ABCA1: variants seen among roughly 807,000 people sequenced by gnomAD.
The protein encoded by ABCA1 is ATP binding cassette subfamily A member 1.
Under a neutral mutation model 262.5 loss-of-function variants are expected in ABCA1, and 133 were observed. The observed-to-expected ratio is 0.51, with a 90% confidence interval of 0.44 to 0.59. The LOEUF (loss-of-function observed/expected upper bound fraction) is 0.59, where lower values mean the gene tolerates loss of function less well. Among genes scored for constraint, ABCA1 ranks in the 20% least tolerant of loss-of-function variants. The pLI is 0.00. For synonymous variants in ABCA1, 1,022 were observed against 1,043.5 expected, an observed-to-expected ratio of 0.98 and a Z score of 0.40; for missense variants, 2,452 against 2,777.5, an observed-to-expected ratio of 0.88 and a Z score of 2.63.
At position 104,862,103 on chromosome 9, in the gene ABCA1, CT is replaced by C. The variant is rs553286875; in HGVS notation, c.422-304del. Among the ~76,000 whole-genome samples the C allele has an allele frequency of 5.7e-3, 811 of 142,992 alleles. 5 individuals are homozygous for C. The highest frequency in any genetic ancestry group is 0.014 in the African/African-American group (557 of 39,220). 93.8% of individuals were successfully genotyped at this position (142,992 alleles called of 152,430 possible). Reference sequence around the variant, plus strand: ...ACACACACACACAGCCTTTCCTTTTCTTTTTTTTTTTTTATTTTGAGACGGA... The same window carrying C: ...ACACACACACACAGCCTTTCCTTTTCTTTTTTTTTTTTATTTTGAGACGGA... On this transcript the variant is annotated intron_variant, in intron 5 of 49. Coordinates refer to ENST00000374736, the MANE Select transcript of ABCA1 (RefSeq NM_005502.4).
At chr9:104,847,466 C>T (rs1588392888) in intron 7 of ABCA1, among the ~76,000 whole-genome samples, 1 of 152,222 alleles carries the variant, frequency 6.6e-6, no homozygotes, top group Non-Finnish European at 1.5e-5. Context: ...TCAACAATGT[C>T]ATCCCCTGCC....
chr9:104,818,617 G>A (rs1441156090), intron 23 of ABCA1, 46 bp downstream of exon 23: 4 of 1,578,136 alleles, frequency 2.5e-6, no homozygotes, highest in Admixed American at 1.7e-5. Context: ...AGCAAGTCCT[G>A]GCTGCCCAGA....
intron 33 of ABCA1, among the ~76,000 whole-genome samples, 153 bp downstream of exon 33, chr9:104,803,131 T>C (rs1334709467): frequency 6.6e-6 from 1 of 152,158 alleles, no homozygotes; most frequent in Non-Finnish European, 1.5e-5. Flanking sequence ...CCCTGTGTGC[T>C]CCACATGTTC....
At chr9:104,907,315 C>T (rs1841216699) in intron 1 of ABCA1, among the ~76,000 whole-genome samples, 1 of 152,156 alleles carries the variant, frequency 6.6e-6, no homozygotes, top group African/African-American at 2.4e-5. Flanking sequence ...GATATCCTCC[C>T]CTGCAACTGA....
chr9:104,913,849 G>A (rs1841651744), intron 1 of ABCA1, among the ~76,000 whole-genome samples: 1 of 152,156 alleles, frequency 6.6e-6, no homozygotes, highest in Non-Finnish European at 1.5e-5. Context: ...AGGCTGGAGT[G>A]CAGTGGCGCG....
rs781713359 is a variant in ABCA1, at chr9:104,796,427, A to G, written c.5122-3T>C. ...GTGGCAGGGACAACGTAATTGCACT[A>G]AAAGTGAAAACAAAGACATCCAGTT... On this transcript the variant is annotated splice_polypyrimidine_tract_variant and splice_region_variant and intron_variant, in intron 37 of 49. Coordinates refer to ENST00000374736, the MANE Select transcript of ABCA1 (RefSeq NM_005502.4). 7 of 1,611,772 alleles carry G rather than the reference A, an allele frequency of 4.3e-6. No homozygotes were observed. In the South Asian group the frequency reaches 5.5e-5, roughly 13 times the overall value.
intron 5 of ABCA1, among the ~76,000 whole-genome samples, chr9:104,862,656 G>GCCCCCCC (rs1564198338): frequency 5.2e-4 from 1 of 1,940 alleles, no homozygotes; most frequent in Non-Finnish European, 1.4e-3. Flanking sequence ...GGCCGGGCCG[G>GCCCCCCC]GCCGGGCCGG....
Position 104,884,442 on chromosome 9 carries a change from T to C in ABCA1, c.287A>G (p.Asn96Ser). The change falls in exon 4 of 50, where the codon AAC becomes AGC. Residue 96 changes from asparagine (N) to serine (S), a missense_variant. By Grantham distance (46) the Asn-to-Ser change is conservative. Coordinates refer to ENST00000374736, the MANE Select transcript of ABCA1 (RefSeq NM_005502.4). ...TPGEAPGVVG[N>S]FNKSIVARLF... ...TGATACTTACATGGATTTGTTAAAG[T>C]TTCCAACAACTCCGGGAGCCTCCCC... The C allele has an allele frequency of 1.2e-6, 2 of 1,614,176 alleles. No individual in the cohort carries two copies. The highest frequency in any genetic ancestry group is 1.7e-6 in the Non-Finnish European group (2 of 1,180,010).
chr9:104,813,557 G>T (rs1272851396), intron 27 of ABCA1, among the ~76,000 whole-genome samples: 2 of 152,170 alleles, frequency 1.3e-5, no homozygotes, highest in Non-Finnish European at 2.9e-5. Flanking sequence ...GGGATGACAG[G>T]CATGTGCCAC....
intron 8 of ABCA1, among the ~76,000 whole-genome samples, chr9:104,844,314 G>GTTACCAGCCTTCATAACCAGGGTAACAAA: frequency 6.6e-6 from 1 of 151,792 alleles, no homozygotes; most frequent in East Asian, 2.0e-4. Flanking sequence ...AGTAAAAAAG[G>GTTACCAGCCTTCATAACCAGGGTAACAAA]TTACCAGCCT....
intron 1 of ABCA1, among the ~76,000 whole-genome samples, chr9:104,914,242 C>T (rs1402819635): frequency 6.6e-6 from 1 of 151,572 alleles, no homozygotes; most frequent in African/African-American, 2.4e-5. Context: ...CTTTGGGAGG[C>T]TGAGGCAGGT....
Position 104,900,361 on chromosome 9 carries a change from G to A in ABCA1, c.66+3253C>T, listed in dbSNP as rs1449129904. Among the ~76,000 whole-genome samples the A allele has an allele frequency of 2.0e-5, 3 of 152,164 alleles. No individual in the cohort carries two copies. In the East Asian group the frequency reaches 5.8e-4, roughly 29 times the overall value. ...TCCCAAGGGCCAGGCTCTGTGCTGG[G>A]CTCTGAGGCCAAGCGTATACACTCC... On this transcript the variant is annotated intron_variant, in intron 2 of 49. Coordinates refer to ENST00000374736, the MANE Select transcript of ABCA1 (RefSeq NM_005502.4).
intron 11 of ABCA1, 118 bp downstream of exon 11, chr9:104,836,861 CA>C: frequency 3.6e-6 from 3 of 829,296 alleles, no homozygotes; most frequent in Non-Finnish European, 2.1e-6. Flanking sequence ...ATGCTCACTA[CA>C]TTCCCCCAGC....
At chr9:104,863,548 A>G (rs1338603751) in intron 5 of ABCA1, among the ~76,000 whole-genome samples, 1 of 152,246 alleles carries the variant, frequency 6.6e-6, no homozygotes, top group Non-Finnish European at 1.5e-5. Context: ...ACATGCAGAG[A>G]TAAAGTAACA....
At position 104,810,653 on chromosome 9, in the gene ABCA1, A is replaced by G. The variant is rs1324557811; in HGVS notation, c.4175+147T>C. 9 of 1,243,276 alleles carry G rather than the reference A, an allele frequency of 7.2e-6. No homozygotes were observed. The South Asian group carries it at 1.1e-4, about 15-fold the overall frequency. The allele number at this position is 1,243,276 out of a possible 1,614,324, so 77.0% of individuals were successfully genotyped here. On this transcript the variant is annotated intron_variant, in intron 29 of 49. Transcript: ENST00000374736. ...GGGTTAGTTCGCTGCTGTTCTATGCATGCAGTATTAGCTTATACAGGGACC... is the reference window on the plus strand; with the variant it reads ...GGGTTAGTTCGCTGCTGTTCTATGCGTGCAGTATTAGCTTATACAGGGACC...
intron 1 of ABCA1, among the ~76,000 whole-genome samples, chr9:104,926,747 A>G (rs1286777259): frequency 6.6e-6 from 1 of 152,188 alleles, no homozygotes. Flanking sequence ...ACTCCCGGTC[A>G]TTCCACGGCA....
Position 104,781,558 on chromosome 9 carries a change from G to A in ABCA1, c.*2757C>T, listed in dbSNP as rs1828546276. The A allele has an allele frequency of 6.6e-6, 1 of 152,574 alleles. No individual in the cohort carries two copies. Among genetic ancestry groups the A allele is most frequent in the African/African-American group, 2.4e-5 (1 of 41,442 alleles). The allele number at this position is 152,574 out of a possible 1,614,324, so 9.5% of individuals were successfully genotyped here. On this transcript the variant is annotated 3_prime_UTR_variant, in exon 50 of 50. Transcript: ENST00000374736. ...GGCTTTAGTCAATGATTACTATACA[G>A]TGAATGAATGATGTGCAACATTTAA... is the stretch of plus-strand genomic sequence containing the variant.
At chr9:104,819,516 C>G in intron 22 of ABCA1, 70 bp downstream of exon 22, 1 of 1,606,024 alleles carries the variant, frequency 6.2e-7, no homozygotes, top group Non-Finnish European at 8.5e-7. Context: ...CCATGAGATA[C>G]AGCCACACTT....
At chr9:104,860,918 A>G (rs1836323541) in intron 6 of ABCA1, among the ~76,000 whole-genome samples, 1 of 151,918 alleles carries the variant, frequency 6.6e-6, no homozygotes, top group African/African-American at 2.4e-5. Flanking sequence ...CACCACGCTG[A>G]GCTAATTTTC....
Sources: gnomAD v4.1 joint callset for allele counts (sites outside exome capture counted in the v4.1 genomes callset) on GRCh38, gnomAD v4.1.1 for gene constraint, MANE v1.5 for transcripts, NCBI Gene and HGNC (gene_info 2026-07-23, HGNC 2026-07-21) for gene names.